Variants in KIAA1217 observed in about 807,000 individuals in gnomAD.
KIAA1217 encodes the protein sickle tail protein homolog.
In KIAA1217, 88 loss-of-function variants were observed where a neutral mutation model predicts 163.9. The observed-to-expected ratio is 0.54, with a 90% CI of 0.45 to 0.64. The LOEUF (loss-of-function observed/expected upper bound fraction) is 0.64, where lower values mean the gene tolerates loss of function less well. KIAA1217 is among the 30% of genes least tolerant of loss of function. The pLI, the probability that KIAA1217 is intolerant of heterozygous loss-of-function variation, is 0.00. For synonymous variants in KIAA1217, 903 were observed against 923.1 expected (o/e 0.98, Z 0.39); for missense variants, 2,372 against 2,475.0 (o/e 0.96, Z 0.88).
At chr10:24,437,066 G>A (rs555500930) in intron 4 of KIAA1217, among the ~76,000 whole-genome samples, 30 of 152,314 alleles carry the variant, frequency 2.0e-4, no homozygotes, top group African/African-American at 7.2e-4. Context: ...CTAAAGTCAT[G>A]ATAAACCAAC....
intron 1 of KIAA1217, among the ~76,000 whole-genome samples, chr10:23,704,172 G>GTGTGTATATATATA (rs1229370789): frequency 6.5e-4 from 26 of 39,938 alleles, no homozygotes; most frequent in Admixed American, 1.9e-3. Context: ...GTGTGTGTGT[G>GTGTGTATATATATA]TATATATATA....
chr10:24,470,736 G>C lies in KIAA1217; in HGVS notation c.847-2492G>C, dbSNP rs529744491. 2.6e-5 allele frequency among the ~76,000 whole-genome samples: 4 copies of C among 152,238 alleles called. No homozygotes were observed. The South Asian group carries it at 8.3e-4, about 32-fold the overall frequency. On this transcript the variant is annotated intron_variant, in intron 5 of 20. Transcript: ENST00000376454. ...CAAGAGGCCAATTCCGTGGTGCCCAGGTCATGTATTCAAAAAGGGCTCCCT... is the reference window on the plus strand; with the variant it reads ...CAAGAGGCCAATTCCGTGGTGCCCACGTCATGTATTCAAAAAGGGCTCCCT...
chr10:24,142,161 G>A (rs900720192), intron 2 of KIAA1217, among the ~76,000 whole-genome samples: 5 of 151,612 alleles, frequency 3.3e-5, no homozygotes, highest in African/African-American at 1.2e-4. Context: ...ATTTTCATCA[G>A]AAATACCTGA....
chr10:24,237,565 TCTGA>T (rs1183470360), intron 2 of KIAA1217, among the ~76,000 whole-genome samples: 1 of 152,242 alleles, frequency 6.6e-6, no homozygotes, highest in African/African-American at 2.4e-5. Flanking sequence ...TTATAACCAC[TCTGA>T]CTGCTGAATC....
intron 2 of KIAA1217, among the ~76,000 whole-genome samples, chr10:24,246,226 A>G (rs149570260): frequency 6.6e-6 from 1 of 152,134 alleles, no homozygotes; most frequent in East Asian, 1.9e-4. Context: ...AAGAAGACAG[A>G]CTCTCATTTA....
chr10:23,922,515 G>A (rs1340330599), intron 1 of KIAA1217, among the ~76,000 whole-genome samples: 1 of 152,168 alleles, frequency 6.6e-6, no homozygotes. Flanking sequence ...TCTGAAGTGG[G>A]AACAGTCTTG....
At chr10:24,200,730 G>A (rs7478291) in intron 2 of KIAA1217, among the ~76,000 whole-genome samples, 84,895 of 151,878 alleles carry the variant, frequency 0.56, 24,014 homozygotes, top group Middle Eastern at 0.67. Flanking sequence ...TGTCCAACCC[G>A]GGGAGCATCT....
intron 2 of KIAA1217, among the ~76,000 whole-genome samples, chr10:24,102,856 C>T (rs1158761422): frequency 6.6e-6 from 1 of 152,162 alleles, no homozygotes; most frequent in African/African-American, 2.4e-5. Flanking sequence ...CCATAATCCC[C>T]ATGTGTTGTG....
chr10:24,142,680 G>T (rs537444575), intron 2 of KIAA1217, among the ~76,000 whole-genome samples: 3 of 152,198 alleles, frequency 2.0e-5, no homozygotes, highest in Non-Finnish European at 4.4e-5. Flanking sequence ...AGACAGATGA[G>T]AGGAAAGAGA....
chr10:24,217,356 G>A (rs2068968995), intron 1 of KIAA1217, among the ~76,000 whole-genome samples: 2 of 152,140 alleles, frequency 1.3e-5, no homozygotes. Flanking sequence ...TCTTCTCCTT[G>A]TAAACTTACT....
chr10:23,802,510 G>T (rs1376101228), intron 1 of KIAA1217, among the ~76,000 whole-genome samples: 5 of 152,126 alleles, frequency 3.3e-5, no homozygotes, highest in Non-Finnish European at 7.4e-5. Flanking sequence ...TGATTGACTT[G>T]ACCTATGGCA....
At chr10:24,102,885 G>A (rs1412351079) in intron 2 of KIAA1217, among the ~76,000 whole-genome samples, 1 of 152,152 alleles carries the variant, frequency 6.6e-6, no homozygotes, top group African/African-American at 2.4e-5. Context: ...CTGGTGGGAG[G>A]TAATTGAATC....
At chr10:24,523,135 G>A (rs903499017) in intron 12 of KIAA1217, among the ~76,000 whole-genome samples, 2 of 152,156 alleles carry the variant, frequency 1.3e-5, no homozygotes, top group Non-Finnish European at 1.5e-5. Flanking sequence ...CTGGGTGACA[G>A]AGCAAGACCC....
chr10:24,296,317 G>A (rs2040603308), intron 2 of KIAA1217, among the ~76,000 whole-genome samples: 1 of 152,070 alleles, frequency 6.6e-6, no homozygotes, highest in Non-Finnish European at 1.5e-5. Context: ...GCCAAGGCTG[G>A]TTGGTCTCAA....
At chr10:24,172,394 A>G (rs2065673872) in intron 2 of KIAA1217, among the ~76,000 whole-genome samples, 1 of 152,222 alleles carries the variant, frequency 6.6e-6, no homozygotes, top group South Asian at 2.1e-4. Context: ...GCATCTCAGT[A>G]ACAATTTTGA....
At chr10:24,114,839 G>A (rs925697974) in intron 2 of KIAA1217, among the ~76,000 whole-genome samples, 10 of 152,192 alleles carry the variant, frequency 6.6e-5, no homozygotes, top group Non-Finnish European at 1.2e-4. Context: ...TCTGGTGTCT[G>A]CCTATCTCTG....
At position 23,843,777 on chromosome 10, in the gene KIAA1217, T is replaced by C. The variant is rs575469344; in HGVS notation, c.-321+148543T>C. Among the ~76,000 whole-genome samples the C allele has an allele frequency of 2.0e-5, 3 of 152,312 alleles. No individual in the cohort carries two copies. In the South Asian group the frequency reaches 6.2e-4, roughly 32 times the overall value. Reference sequence around the variant, plus strand: ...CCTATGTAAGTTTCTTTGGGTCTTTTTTCTTGAACTGGTCAGATTTCCAAA... The same window carrying C: ...CCTATGTAAGTTTCTTTGGGTCTTTCTTCTTGAACTGGTCAGATTTCCAAA... On this transcript the variant is annotated intron_variant, in intron 1 of 18. Coordinates refer to the KIAA1217 transcript ENST00000376462.
intron 1 of KIAA1217, among the ~76,000 whole-genome samples, chr10:23,753,923 G>T (rs1027063083): frequency 1.3e-5 from 2 of 152,112 alleles, no homozygotes; most frequent in African/African-American, 4.8e-5. Context: ...TAGTCCTCCT[G>T]AGAAATTCCT....
rs955400932 is a variant in KIAA1217, at chr10:24,446,550, G to A, written c.846+8071G>A. On this transcript the variant is annotated intron_variant, in intron 5 of 20. Coordinates refer to ENST00000376454, the MANE Select transcript of KIAA1217 (RefSeq NM_019590.5). ...GATTCAGGGAGTATCAAGTCATCCCGTAGTAACAAAAGAATCCCACAGAAA... is the reference window on the plus strand; with the variant it reads ...GATTCAGGGAGTATCAAGTCATCCCATAGTAACAAAAGAATCCCACAGAAA... Among the ~76,000 whole-genome samples, 100 of 152,050 alleles carry A rather than the reference G, an allele frequency of 6.6e-4. 3 individuals are homozygous for A. The highest frequency in any genetic ancestry group is 2.8e-4 in the Non-Finnish European group (19 of 68,014).
Sources: gnomAD v4.1 joint callset for allele counts (sites outside exome capture counted in the v4.1 genomes callset) on GRCh38, gnomAD v4.1.1 for gene constraint, MANE v1.5 for transcripts, NCBI Gene and HGNC (gene_info 2026-07-23, HGNC 2026-07-21) for gene names.